Variants in FARP1 observed in about 807,000 individuals in gnomAD.
FARP1 encodes the protein FERM, ARH/RhoGEF and pleckstrin domain protein 1, also known as FERM, ARHGEF and pleckstrin domain-containing protein 1.
Under a neutral mutation model 128.8 loss-of-function variants are expected in FARP1, and 52 were observed. That is an observed-to-expected ratio of 0.40 (90% CI 0.32 to 0.51). FARP1 has a LOEUF of 0.51. Among genes scored for constraint, FARP1 ranks in the 20% least tolerant of loss-of-function variants. The pLI is 0.45. For missense variants in FARP1, 1,333 were observed against 1,367.9 expected, an observed-to-expected ratio of 0.97 and a Z score of 0.40; for synonymous variants, 580 against 551.8, an observed-to-expected ratio of 1.05 and a Z score of -0.72.
chr13:98,295,122 A>T (rs1885629662), intron 2 of FARP1, among the ~76,000 whole-genome samples: 1 of 143,734 alleles, frequency 7.0e-6, no homozygotes, highest in Non-Finnish European at 1.5e-5. Context: ...CCCAGGCATT[A>T]TTTATTTATT....
At chr13:98,242,482 C>T (rs550315428) in intron 2 of FARP1, among the ~76,000 whole-genome samples, 1 of 152,154 alleles carries the variant, frequency 6.6e-6, no homozygotes, top group Admixed American at 6.5e-5. Flanking sequence ...TCGAGACCAG[C>T]CTGGGCAACA....
At chr13:98,437,732 G>A (rs572707450) in intron 19 of FARP1, 23 of 1,053,378 alleles carry the variant, frequency 2.2e-5, no homozygotes, top group African/African-American at 1.9e-4. Context: ...TAGCTTCTCC[G>A]CTTTGTCTTT....
chr13:98,355,003 G>T (rs1196949313), intron 3 of FARP1, among the ~76,000 whole-genome samples: 2 of 152,120 alleles, frequency 1.3e-5, no homozygotes, highest in Non-Finnish European at 2.9e-5. Flanking sequence ...TATTTAATTG[G>T]TAATATTCTG....
chr13:98,305,102 G>A (rs573170289), intron 2 of FARP1, among the ~76,000 whole-genome samples: 27 of 50,246 alleles, frequency 5.4e-4, no homozygotes, highest in African/African-American at 2.1e-3. Context: ...ATATTTAAAT[G>A]TGTATATATA....
intron 2 of FARP1, among the ~76,000 whole-genome samples, chr13:98,222,651 C>G (rs954443450): frequency 1.3e-5 from 2 of 151,410 alleles, no homozygotes; most frequent in African/African-American, 2.4e-5. Flanking sequence ...GAGACGGAGT[C>G]TTGCTCTGTT....
At chr13:98,179,805 C>T (rs1316317588) in intron 1 of FARP1, among the ~76,000 whole-genome samples, 3 of 151,978 alleles carry the variant, frequency 2.0e-5, no homozygotes, top group Middle Eastern at 3.2e-3. Flanking sequence ...TACAGTGAGC[C>T]GAGATCAAGC....
chr13:98,279,019 T>G (rs1884803412), intron 2 of FARP1, among the ~76,000 whole-genome samples: 1 of 150,750 alleles, frequency 6.6e-6, no homozygotes, highest in African/African-American at 2.4e-5. Flanking sequence ...GTATTTTTAG[T>G]AGAAATGGGG....
intron 19 of FARP1, 142 bp from the exon 20 acceptor site, chr13:98,438,662 G>A (rs1233310356): frequency 3.1e-6 from 2 of 650,462 alleles, no homozygotes; most frequent in South Asian, 1.8e-5. Context: ...AGGTTTGCAC[G>A]CTCGCAGTCC....
intron 8 of FARP1, 61 bp downstream of exon 8, chr13:98,385,875 T>TC (rs773801880): frequency 9.5e-5 from 148 of 1,557,984 alleles, no homozygotes; most frequent in Non-Finnish European, 1.2e-4. Context: ...AGCTGGCCCT[T>TC]CAACTCTGAT....
At chr13:98,387,095 G>A (rs1890125594) in intron 8 of FARP1, among the ~76,000 whole-genome samples, 3 of 152,184 alleles carry the variant, frequency 2.0e-5, no homozygotes, top group Non-Finnish European at 4.4e-5. Context: ...GAGGTCAGGA[G>A]TTCGAGACTA....
intron 2 of FARP1, among the ~76,000 whole-genome samples, chr13:98,239,047 C>G (rs1882610825): frequency 6.6e-6 from 1 of 152,156 alleles, no homozygotes; most frequent in Non-Finnish European, 1.5e-5. Context: ...GGGGTCTTAC[C>G]TGTTAAAACT....
intron 2 of FARP1, among the ~76,000 whole-genome samples, chr13:98,283,751 G>T (rs1275310781): frequency 1.3e-5 from 2 of 152,184 alleles, no homozygotes; most frequent in African/African-American, 4.8e-5. Context: ...CTCTGCAGAT[G>T]AAGATAATTA....
chr13:98,266,792 G>A (rs1277092152), intron 2 of FARP1, among the ~76,000 whole-genome samples: 1 of 152,078 alleles, frequency 6.6e-6, no homozygotes, highest in Non-Finnish European at 1.5e-5. Context: ...TGGGTGGATC[G>A]CTTGAGGTCA....
chr13:98,407,283 A>C (rs953395663), intron 13 of FARP1: 5 of 152,640 alleles, frequency 3.3e-5, no homozygotes, highest in African/African-American at 1.2e-4. Context: ...ACCTCTAGAC[A>C]GACTGCCAGA....
At chr13:98,350,942 C>T (rs550150122) in intron 3 of FARP1, among the ~76,000 whole-genome samples, 1 of 152,102 alleles carries the variant, frequency 6.6e-6, no homozygotes, top group African/African-American at 2.4e-5. Flanking sequence ...ACCCCAGAGC[C>T]CACGGAAATG....
chr13:98,309,433 T>C (rs1160124285), intron 2 of FARP1, among the ~76,000 whole-genome samples: 2 of 151,862 alleles, frequency 1.3e-5, no homozygotes, highest in Non-Finnish European at 1.5e-5. Context: ...CCTCCCAAAG[T>C]GCTGGGATTA....
At chr13:98,161,774 CTTCT>C (rs948416604) in intron 1 of FARP1, among the ~76,000 whole-genome samples, 19 of 151,698 alleles carry the variant, frequency 1.3e-4, no homozygotes, top group African/African-American at 4.4e-4. Flanking sequence ...TCGTTCCTTC[CTTCT>C]TTCTTTCTCC....
intron 25 of FARP1, 180 bp downstream of exon 25, chr13:98,446,385 T>C: frequency 3.3e-6 from 2 of 601,726 alleles, no homozygotes. Flanking sequence ...AAGACTGACA[T>C]TATCATCCAC....
intron 9 of FARP1, among the ~76,000 whole-genome samples, chr13:98,388,949 C>T (rs199895530): frequency 3.3e-5 from 5 of 152,348 alleles, no homozygotes; most frequent in African/African-American, 9.6e-5. Flanking sequence ...TCCCACAACA[C>T]GCCTAACACT....
Sources: gnomAD v4.1 joint callset for allele counts (sites outside exome capture counted in the v4.1 genomes callset) on GRCh38, gnomAD v4.1.1 for gene constraint, MANE v1.5 for transcripts, NCBI Gene and HGNC (gene_info 2026-07-23, HGNC 2026-07-21) for gene names.